Variants in GMDS observed in about 807,000 individuals in gnomAD.
GMDS encodes GDP-mannose 4,6-dehydratase.
In GMDS, 20 loss-of-function variants were observed where a neutral mutation model predicts 49.9. That is an observed-to-expected ratio of 0.40 (90% confidence interval 0.28 to 0.58). GMDS has a LOEUF of 0.58. Among genes scored for constraint, GMDS ranks in the 20% least tolerant of loss-of-function variants. The pLI, the probability that GMDS is intolerant of heterozygous loss-of-function variation, is 0.42. For missense variants in GMDS, 362 were observed against 481.4 expected (o/e 0.75, Z 2.32); for synonymous variants, 177 against 178.6 (o/e 0.99, Z 0.07).
chr6:1,650,701 G>C (rs959675707), intron 9 of GMDS, among the ~76,000 whole-genome samples: 5 of 152,018 alleles, frequency 3.3e-5, no homozygotes, highest in East Asian at 1.9e-4. Flanking sequence ...TCAGCCTCTC[G>C]AGTAGCTGGA....
chr6:1,841,142 T>C (rs939590228), intron 7 of GMDS, among the ~76,000 whole-genome samples: 15 of 152,294 alleles, frequency 9.8e-5, no homozygotes, highest in African/African-American at 3.1e-4. Flanking sequence ...AAAGATCCTA[T>C]GTAGTAAAAG....
intron 1 of GMDS, among the ~76,000 whole-genome samples, chr6:2,209,568 CAT>C (rs753162079): frequency 1.5e-3 from 196 of 126,466 alleles, no homozygotes; most frequent in Non-Finnish European, 1.8e-3. Context: ...TACACATACA[CAT>C]ACACACACAC....
At chr6:1,856,533 AG>A (rs2113776735) in intron 7 of GMDS, among the ~76,000 whole-genome samples, 1 of 152,388 alleles carries the variant, frequency 6.6e-6, no homozygotes, top group Non-Finnish European at 1.5e-5. Context: ...AATAGTCTGC[AG>A]CTGCAGTGGA....
At chr6:1,913,388 C>CAAAAAAAAAAAAAAAAAAA (rs56262461) in intron 7 of GMDS, among the ~76,000 whole-genome samples, 1 of 103,976 alleles carries the variant, frequency 9.6e-6, no homozygotes, top group Non-Finnish European at 1.9e-5. Flanking sequence ...CTCAAACAAA[C>CAAAAAAAAAAAAAAAAAAA]AAAAAAAAAA....
At chr6:2,034,957 G>A (rs1769203635) in intron 4 of GMDS, among the ~76,000 whole-genome samples, 1 of 152,090 alleles carries the variant, frequency 6.6e-6, no homozygotes, top group Non-Finnish European at 1.5e-5. Context: ...GATGGTTGGG[G>A]GGAAAAAGAA....
intron 7 of GMDS, among the ~76,000 whole-genome samples, chr6:1,870,974 C>T (rs1758706589): frequency 6.6e-6 from 1 of 151,958 alleles, no homozygotes; most frequent in Non-Finnish European, 1.5e-5. Context: ...TGAAACAAAT[C>T]GAGGTTTGGG....
At chr6:1,651,173 T>C (rs1763642747) in intron 9 of GMDS, among the ~76,000 whole-genome samples, 1 of 152,162 alleles carries the variant, frequency 6.6e-6, no homozygotes, top group African/African-American at 2.4e-5. Context: ...GAGTGTGGCA[T>C]TGTGCTTGGT....
chr6:2,083,068 A>C (rs1385901163), intron 4 of GMDS, among the ~76,000 whole-genome samples: 1 of 152,254 alleles, frequency 6.6e-6, no homozygotes, highest in African/African-American at 2.4e-5. Flanking sequence ...AATTTTTCAG[A>C]GAATTGAGTA....
chr6:2,238,856 C>G (rs1781487937), intron 1 of GMDS, among the ~76,000 whole-genome samples: 1 of 151,110 alleles, frequency 6.6e-6, no homozygotes, highest in Non-Finnish European at 1.5e-5. Context: ...AAAAAAAAAT[C>G]GTTCCTCACC....
chr6:2,184,868 A>T (rs954052342), intron 1 of GMDS, among the ~76,000 whole-genome samples: 2 of 152,240 alleles, frequency 1.3e-5, no homozygotes, highest in African/African-American at 4.8e-5. Context: ...TCAGCAGATA[A>T]GACTGTGACA....
chr6:1,668,364 T>C (rs546629454), intron 9 of GMDS, among the ~76,000 whole-genome samples: 3 of 152,298 alleles, frequency 2.0e-5, no homozygotes, highest in Non-Finnish European at 4.4e-5. Context: ...AAAAAGGCCT[T>C]TGAATTATAA....
chr6:1,865,505 A>G (rs1013569241), intron 7 of GMDS, among the ~76,000 whole-genome samples: 1 of 152,254 alleles, frequency 6.6e-6, no homozygotes, highest in African/African-American at 2.4e-5. Flanking sequence ...GAAGAAGAGA[A>G]GCAGATTAAA....
At chr6:1,970,727 A>T (rs1342205280) in intron 4 of GMDS, among the ~76,000 whole-genome samples, 1 of 152,128 alleles carries the variant, frequency 6.6e-6, no homozygotes, top group African/African-American at 2.4e-5. Flanking sequence ...GATCCAAAGG[A>T]GGGACAGATG....
intron 4 of GMDS, among the ~76,000 whole-genome samples, chr6:2,079,843 T>A (rs1400716824): frequency 6.6e-6 from 1 of 152,156 alleles, no homozygotes; most frequent in Admixed American, 6.5e-5. Context: ...ATCTAAATCA[T>A]TTGATAGATT....
chr6:2,219,182 T>G (rs1466856206), intron 1 of GMDS, among the ~76,000 whole-genome samples: 1 of 152,198 alleles, frequency 6.6e-6, no homozygotes, highest in African/African-American at 2.4e-5. Context: ...ATAGGACGAC[T>G]CACCTGAATA....
intron 1 of GMDS, among the ~76,000 whole-genome samples, chr6:2,239,854 T>A (rs1781531596): frequency 6.6e-6 from 1 of 152,074 alleles, no homozygotes; most frequent in Non-Finnish European, 1.5e-5. Flanking sequence ...CCCAGCTAAT[T>A]TTTTTGTATT....
chr6:1,892,415 A>C (rs2113842737), intron 7 of GMDS, among the ~76,000 whole-genome samples: 1 of 152,242 alleles, frequency 6.6e-6, no homozygotes, highest in African/African-American at 2.4e-5. Flanking sequence ...GGTGGAGTGC[A>C]GTGGTATGAT....
At chr6:1,720,227 G>GA (rs1766330620) in intron 9 of GMDS, among the ~76,000 whole-genome samples, 1 of 151,112 alleles carries the variant, frequency 6.6e-6, no homozygotes, top group African/African-American at 2.4e-5. Flanking sequence ...AAATGCTCTT[G>GA]AGGGGGGAGA....
chr6:1,860,964 T>C (rs929477830), intron 7 of GMDS, among the ~76,000 whole-genome samples: 8 of 152,148 alleles, frequency 5.3e-5, no homozygotes, highest in African/African-American at 1.9e-4. Context: ...AGCAGCACAC[T>C]CTCACTCACA....
Sources: gnomAD v4.1 joint callset for allele counts (sites outside exome capture counted in the v4.1 genomes callset) on GRCh38, gnomAD v4.1.1 for gene constraint, MANE v1.5 for transcripts, NCBI Gene and HGNC (gene_info 2026-07-23, HGNC 2026-07-21) for gene names.